Variants in EFNB2 observed in about 807,000 individuals in gnomAD.
EFNB2 encodes the protein ephrin-B2.
In EFNB2, 5 loss-of-function variants were observed where a neutral mutation model predicts 32.1. That is an observed-to-expected ratio of 0.16 (90% CI 0.08 to 0.33). The LOEUF (loss-of-function observed/expected upper bound fraction) is 0.33. EFNB2 is among the 10% of genes least tolerant of loss of function. EFNB2 has a pLI of 1.00. For missense variants in EFNB2, 263 were observed against 422.6 expected, an observed-to-expected ratio of 0.62 and a Z score of 3.31; for synonymous variants, 168 against 166.5, an observed-to-expected ratio of 1.01 and a Z score of -0.07.
chr13:106,497,800 C>T (rs1364804412), intron 2 of EFNB2, among the ~76,000 whole-genome samples: 1 of 152,074 alleles, frequency 6.6e-6, no homozygotes, highest in African/African-American at 2.4e-5. Flanking sequence ...GTATCCTTTC[C>T]TCCCAGAGGC....
At chr13:106,498,690 G>A (rs1361671669) in intron 2 of EFNB2, among the ~76,000 whole-genome samples, 3 of 152,136 alleles carry the variant, frequency 2.0e-5, no homozygotes, top group Non-Finnish European at 4.4e-5. Context: ...GGGGAAGAGG[G>A]AAACATTCAA....
At chr13:106,522,288 T>C (rs138901353) in intron 1 of EFNB2, among the ~76,000 whole-genome samples, 80 of 152,334 alleles carry the variant, frequency 5.3e-4, no homozygotes, top group African/African-American at 1.9e-3. Flanking sequence ...TGCAGGCTTC[T>C]TTCCCAACTG....
In EFNB2 at chr13:106,535,171, G is replaced by A. The variant is rs1046046879; in HGVS notation, c.-207C>T. 5.0e-5 allele frequency: 13 copies of A among 261,404 alleles called. No individual in the cohort carries two copies. Among genetic ancestry groups the A allele is most frequent in the Non-Finnish European group, 7.3e-5 (12 of 165,156 alleles). 16.2% of individuals were successfully genotyped at this position (261,404 alleles called of 1,614,324 possible). A position where few individuals can be genotyped will look rare whatever the true frequency, so the allele number is the denominator to read the frequency against. ...CTCAGGGCGCGGGGCGGGAGCGCAC[G>A]CGCGGGGCGCGGCGGCGCGGCGGAC... On this transcript the variant is annotated 5_prime_UTR_variant, in exon 1 of 5. Coordinates refer to ENST00000646441, the MANE Select transcript of EFNB2 (RefSeq NM_004093.4).
At chr13:106,522,839 G>A (rs1455121553) in intron 1 of EFNB2, among the ~76,000 whole-genome samples, 2 of 152,108 alleles carry the variant, frequency 1.3e-5, no homozygotes, top group Non-Finnish European at 2.9e-5. Context: ...GTTTACCATG[G>A]GACCCTCCCT....
At chr13:106,499,580 T>G (rs1204646267) in intron 2 of EFNB2, among the ~76,000 whole-genome samples, 1 of 152,200 alleles carries the variant, frequency 6.6e-6, no homozygotes, top group African/African-American at 2.4e-5. Context: ...TATCTTTCTA[T>G]CAGCGTGATC....
In EFNB2 at chr13:106,493,582, C is replaced by G. The variant is rs1377942439; in HGVS notation, c.614-154G>C. 6.6e-6 allele frequency among the ~76,000 whole-genome samples: 1 copy of G among 152,144 alleles called. No individual in the cohort carries two copies. The highest frequency in any genetic ancestry group is 1.5e-5 in the Non-Finnish European group (1 of 68,040). On this transcript the variant is annotated intron_variant, in intron 4 of 4. Coordinates refer to ENST00000646441, the MANE Select transcript of EFNB2 (RefSeq NM_004093.4). This position sits in a 1 kb window ranked among gnomAD's most constrained non-coding sequence, Gnocchi z 6.1. ...CTCGCCAATACCTCGTCTAAGAGCTCAACGCAAAAGGAAATGAGAGGTATC... is the reference window on the plus strand; with the variant it reads ...CTCGCCAATACCTCGTCTAAGAGCTGAACGCAAAAGGAAATGAGAGGTATC...
At position 106,520,800 on chromosome 13, in the gene EFNB2, C is replaced by T. The variant is rs1357711297; in HGVS notation, c.123-7988G>A. ...TTTTGTGGATAGCACTTTACTGCCCCCTTTTGCACTTTAACATCAGAACAA... is the reference window on the plus strand; with the variant it reads ...TTTTGTGGATAGCACTTTACTGCCCTCTTTTGCACTTTAACATCAGAACAA... On this transcript the variant is annotated intron_variant, in intron 1 of 4. Transcript: ENST00000646441. 2.6e-5 allele frequency: 4 copies of T among 152,242 alleles called. No homozygotes were observed. The East Asian group carries it at 7.7e-4, about 29-fold the overall frequency. The allele number at this position is 152,242 out of a possible 1,614,324, so 9.4% of individuals were successfully genotyped here.
chr13:106,496,350 GTCT>G (rs1878590213), intron 2 of EFNB2, among the ~76,000 whole-genome samples: 1 of 152,146 alleles, frequency 6.6e-6, no homozygotes, highest in Non-Finnish European at 1.5e-5. Context: ...CACAACCCTT[GTCT>G]TCTTTTTTCA....
At chr13:106,510,009 C>A (rs1047995830) in intron 2 of EFNB2, 1 of 152,130 alleles carries the variant, frequency 6.6e-6, no homozygotes, top group East Asian at 1.9e-4. Context: ...TATGACAGTC[C>A]CCCAAAGCAA....
chr13:106,496,441 CAGA>C (rs1431607873), intron 2 of EFNB2, among the ~76,000 whole-genome samples: 4 of 152,156 alleles, frequency 2.6e-5, no homozygotes, highest in African/African-American at 4.8e-5. Context: ...TTTTGTAAAT[CAGA>C]AGAACATACG....
At position 106,490,211 on chromosome 13, in the gene EFNB2, T is replaced by C. The variant is rs1566452299; in HGVS notation, c.*2829A>G. On this transcript the variant is annotated 3_prime_UTR_variant, in exon 5 of 5. Transcript: ENST00000646441. ...GCCATTTCTTTCTTGTTTTCATGTG[T>C]ATTTTTATTAAAAAGGTGAATAAGG... The C allele has an allele frequency of 6.6e-6, 1 of 152,500 alleles. No homozygotes were observed. The highest frequency in any genetic ancestry group is 2.4e-5 in the African/African-American group (1 of 41,436). The allele number at this position is 152,500 out of a possible 1,614,324, so 9.4% of individuals were successfully genotyped here.
At chr13:106,520,242 A>G (rs1476893379) in intron 1 of EFNB2, 1 of 152,202 alleles carries the variant, frequency 6.6e-6, no homozygotes, top group Non-Finnish European at 1.5e-5. Flanking sequence ...TTTTCCATAA[A>G]AGGCTTTAAT....
rs1290572097 is a variant in EFNB2 at position 106,490,452 on chromosome 13, A to T, written c.*2588T>A. 2.0e-5 allele frequency: 3 copies of T among 152,226 alleles called. No homozygotes were observed. Among genetic ancestry groups the T allele is most frequent in the African/African-American group, 7.2e-5 (3 of 41,448 alleles). 9.4% of individuals were successfully genotyped at this position (152,226 alleles called of 1,614,324 possible). On this transcript the variant is annotated 3_prime_UTR_variant, in exon 5 of 5. Coordinates refer to ENST00000646441, the MANE Select transcript of EFNB2 (RefSeq NM_004093.4). ...ACCAGACACAAAACAGACGCACAGA[A>T]CACTTTTCAATTGGTTGCAGGGAAC...
chr13:106,526,089 G>T (rs895638962), intron 1 of EFNB2, among the ~76,000 whole-genome samples: 1 of 152,148 alleles, frequency 6.6e-6, no homozygotes, highest in African/African-American at 2.4e-5. Flanking sequence ...CAGACCTCAG[G>T]AATCAGGAAC....
chr13:106,518,796 C>A lies in EFNB2; in HGVS notation c.123-5984G>T, dbSNP rs1041957828. 6.6e-6 allele frequency: 1 copy of A among 152,300 alleles called. No individual in the cohort carries two copies. Among genetic ancestry groups the A allele is most frequent in the Admixed American group, 6.5e-5 (1 of 15,274 alleles). 9.4% of individuals were successfully genotyped at this position (152,300 alleles called of 1,614,324 possible). On this transcript the variant is annotated intron_variant, in intron 1 of 4. Coordinates refer to ENST00000646441, the MANE Select transcript of EFNB2 (RefSeq NM_004093.4). This position sits in a 1 kb window ranked among gnomAD's most constrained non-coding sequence, Gnocchi z 4.1. Reference sequence around the variant, plus strand: ...GCCACTCCATTTTCCCTGCTTCTTTCTTCCTCTGACCATACTACACGCACC... The same window carrying A: ...GCCACTCCATTTTCCCTGCTTCTTTATTCCTCTGACCATACTACACGCACC...
chr13:106,498,675 T>G (rs1878673113), intron 2 of EFNB2, among the ~76,000 whole-genome samples: 1 of 151,774 alleles, frequency 6.6e-6, no homozygotes, highest in South Asian at 2.1e-4. Flanking sequence ...AAAAAAAAAG[T>G]GTGTGGGGAA....
rs775512916 is a variant in EFNB2 at position 106,493,238 on chromosome 13, C to T, written c.804G>A (p.Ser268=). The T allele has an allele frequency of 1.2e-5, 19 of 1,614,052 alleles. No homozygotes were observed. Among genetic ancestry groups the T allele is most frequent in the East Asian group, 2.2e-5 (1 of 44,878 alleles). ...KHSPQHTTTL[S]LSTLATPKRS... ...GCTTGGGTGTGGCCAGTGTGCTGAG[C>T]GACAGCGTGGTCGTGTGCTGCGGCG... The change falls in exon 5 of 5, where the codon TCG becomes TCA. Residue 268 remains serine (S), a synonymous_variant. Transcript: ENST00000646441. The surrounding 1 kb of genome is among the most constrained non-coding windows in gnomAD (Gnocchi z 6.1).
intron 1 of EFNB2, among the ~76,000 whole-genome samples, chr13:106,522,470 G>C (rs550079426): frequency 7.9e-5 from 12 of 152,322 alleles, no homozygotes; most frequent in African/African-American, 2.6e-4. Flanking sequence ...TTTTAGATAT[G>C]AGTGTTCAAA....
At chr13:106,511,234 T>G (rs2138919638) in intron 2 of EFNB2, among the ~76,000 whole-genome samples, 1 of 152,350 alleles carries the variant, frequency 6.6e-6, no homozygotes. Flanking sequence ...TCTCTCTTTT[T>G]TTTCTTGTTG....
Sources: gnomAD v4.1 joint callset for allele counts (sites outside exome capture counted in the v4.1 genomes callset) on GRCh38, gnomAD v4.1.1 for gene constraint, Gnocchi (gnomAD v3.1) non-coding constraint, MANE v1.5 for transcripts, NCBI Gene and HGNC (gene_info 2026-07-23, HGNC 2026-07-21) for gene names.